Variants in CGGBP1 observed in about 807,000 individuals in gnomAD.
The protein encoded by CGGBP1 is CGG triplet repeat binding protein 1.
A neutral mutation model predicts 11.4 loss-of-function variants in CGGBP1; 4 were observed. The ratio of observed to expected loss-of-function variants is 0.35; its 90% CI spans 0.17 to 0.80. The LOEUF is 0.80. Ranked by LOEUF, CGGBP1 falls within the 30% of genes least tolerant of loss-of-function variation. CGGBP1 has a pLI of 0.52. For missense variants in CGGBP1, 135 were observed against 202.1 expected (o/e 0.67, Z 2.01); for synonymous variants, 76 against 74.1 (o/e 1.03, Z -0.13).
chr3:88,097,822 C>T (rs918376977), intron 2 of CGGBP1, among the ~76,000 whole-genome samples: 6 of 152,174 alleles, frequency 3.9e-5, no homozygotes, highest in African/African-American at 1.4e-4. Flanking sequence ...ATCTGCGACA[C>T]ATTTAAAGCA....
chr3:88,089,030 C>T (rs574900955), intron 2 of CGGBP1, among the ~76,000 whole-genome samples: 8 of 151,818 alleles, frequency 5.3e-5, no homozygotes, highest in African/African-American at 1.9e-4. Context: ...ACCTCAGGCT[C>T]CCAAAGTGCT....
chr3:88,126,243 A>G, intron 2 of CGGBP1: 1 of 1,523,690 alleles, frequency 6.6e-7, no homozygotes, highest in Non-Finnish European at 8.8e-7. Context: ...GCTGTCCTTA[A>G]AGCTCAGCCA....
intron 2 of CGGBP1, among the ~76,000 whole-genome samples, chr3:88,070,110 C>T (rs529685046): frequency 1.3e-5 from 2 of 152,150 alleles, no homozygotes; most frequent in African/African-American, 2.4e-5. Flanking sequence ...CAGATCACCA[C>T]GACTTTTCTG....
At chr3:88,102,681 A>G (rs1276287735) in intron 2 of CGGBP1, among the ~76,000 whole-genome samples, 2 of 152,188 alleles carry the variant, frequency 1.3e-5, no homozygotes, top group Non-Finnish European at 2.9e-5. Context: ...ACAGAAGGTC[A>G]TGATACCAAC....
chr3:88,083,339 T>C (rs570738674), intron 2 of CGGBP1, among the ~76,000 whole-genome samples: 98 of 151,596 alleles, frequency 6.5e-4, no homozygotes, highest in Non-Finnish European at 1.1e-3. Context: ...TGATGAGTCT[T>C]TTCTCATTCT....
intron 2 of CGGBP1, among the ~76,000 whole-genome samples, chr3:88,070,845 C>T (rs887677519): frequency 3.3e-5 from 5 of 152,118 alleles, no homozygotes; most frequent in Non-Finnish European, 5.9e-5. Flanking sequence ...AAGCAACTAC[C>T]TTAAGACACA....
At chr3:88,126,722 T>C (rs749308512) in intron 2 of CGGBP1, among the ~76,000 whole-genome samples, 2 of 151,934 alleles carry the variant, frequency 1.3e-5, no homozygotes, top group Admixed American at 6.6e-5. Flanking sequence ...ATCCTATAGC[T>C]AGCCCAGTGC....
chr3:88,123,042 G>GA (rs1396335635), intron 2 of CGGBP1, among the ~76,000 whole-genome samples: 1 of 150,206 alleles, frequency 6.7e-6, no homozygotes, highest in East Asian at 1.9e-4. Context: ...AAGAAAAAAA[G>GA]AAAAATACAA....
At chr3:88,126,230 C>G (rs981496765) in intron 2 of CGGBP1, 6 of 1,529,236 alleles carry the variant, frequency 3.9e-6, no homozygotes, top group African/African-American at 1.4e-5. Flanking sequence ...TCCAGTGTTG[C>G]AAGCTGTCCT....
At chr3:88,102,896 A>T (rs1271582566) in intron 2 of CGGBP1, among the ~76,000 whole-genome samples, 3 of 133,088 alleles carry the variant, frequency 2.3e-5, no homozygotes, top group Non-Finnish European at 4.6e-5. Context: ...TGTTGCATGG[A>T]TATATTGCTG....
At chr3:88,097,690 G>T (rs544310266) in intron 2 of CGGBP1, among the ~76,000 whole-genome samples, 1 of 152,056 alleles carries the variant, frequency 6.6e-6, no homozygotes, top group African/African-American at 2.4e-5. Flanking sequence ...ACTCAAAACC[G>T]CTCAACTACA....
intron 1 of CGGBP1, chr3:88,141,118 A>G: frequency 6.7e-7 from 1 of 1,498,434 alleles, no homozygotes; most frequent in Non-Finnish European, 8.9e-7. Flanking sequence ...ACTATTATAG[A>G]TCTTTGAGAT....
At chr3:88,145,591 C>T (rs760350133) in intron 1 of CGGBP1, among the ~76,000 whole-genome samples, 5 of 152,000 alleles carry the variant, frequency 3.3e-5, no homozygotes, top group Non-Finnish European at 7.4e-5. Context: ...AAATAGGCTT[C>T]CAAGATAACC....
At chr3:88,118,451 G>A (rs1705549979) in intron 2 of CGGBP1, among the ~76,000 whole-genome samples, 1 of 152,106 alleles carries the variant, frequency 6.6e-6, no homozygotes, top group Non-Finnish European at 1.5e-5. Flanking sequence ...TGGGGCAAGT[G>A]TTGATCTCCC....
At chr3:88,130,081 T>G (rs2107838561) in intron 2 of CGGBP1, among the ~76,000 whole-genome samples, 1 of 152,330 alleles carries the variant, frequency 6.6e-6, no homozygotes, top group African/African-American at 2.4e-5. Flanking sequence ...AATTTTAATT[T>G]GGAGTCTGAG....
intron 2 of CGGBP1, among the ~76,000 whole-genome samples, chr3:88,120,804 G>C (rs1471894438): frequency 1.8e-5 from 1 of 55,856 alleles, no homozygotes; most frequent in African/African-American, 3.9e-5. Context: ...TATAAAGTCA[G>C]TGACATTAGT....
chr3:88,096,715 A>G (rs1704083473), intron 2 of CGGBP1, among the ~76,000 whole-genome samples: 1 of 152,038 alleles, frequency 6.6e-6, no homozygotes, highest in African/African-American at 2.4e-5. Flanking sequence ...TATCACTTTT[A>G]ATTTTTGAGT....
At chr3:88,122,661 G>A (rs1705839021) in intron 2 of CGGBP1, among the ~76,000 whole-genome samples, 2 of 152,132 alleles carry the variant, frequency 1.3e-5, no homozygotes, top group South Asian at 4.1e-4. Flanking sequence ...ACTTAATAAA[G>A]GATTAAGTTG....
Position 88,058,920 on chromosome 3 carries a change from G to A in CGGBP1, c.-436C>T, listed in dbSNP as rs1706665851. 4 of 188,648 alleles carry A rather than the reference G, an allele frequency of 2.1e-5. No homozygotes were observed. The highest frequency in any genetic ancestry group is 1.2e-4 in the South Asian group (1 of 8,116). 11.7% of individuals were successfully genotyped at this position (188,648 alleles called of 1,614,324 possible). On this transcript the variant is annotated 5_prime_UTR_variant, in exon 1 of 4. Coordinates refer to ENST00000482016, the MANE Select transcript of CGGBP1 (RefSeq NM_001008390.2). ...GAATAAGGGAGGAGGAGGATCCGTC[G>A]CTGCCGCCGTCGCCGCCGTTGCCCG...
Sources: gnomAD v4.1 joint callset for allele counts (sites outside exome capture counted in the v4.1 genomes callset) on GRCh38, gnomAD v4.1.1 for gene constraint, MANE v1.5 for transcripts, NCBI Gene and HGNC (gene_info 2026-07-23, HGNC 2026-07-21) for gene names.